Variants in KLKB1 observed in about 807,000 individuals in gnomAD.
The protein encoded by KLKB1 is kallikrein B1.
KLKB1 carries 58 observed loss-of-function variants against 73.6 expected under a neutral mutation model. That is an observed-to-expected ratio of 0.79 (90% CI 0.64 to 0.98). The LOEUF is 0.98. Among genes scored for constraint, KLKB1 ranks in the 50% least tolerant of loss-of-function variants. The pLI is 0.00. For synonymous variants in KLKB1, 280 were observed against 258.1 expected, an observed-to-expected ratio of 1.08 and a Z score of -0.81; for missense variants, 737 against 763.8, an observed-to-expected ratio of 0.96 and a Z score of 0.41.
chr4:186,251,781 G>A lies in KLKB1; in HGVS notation c.1064G>A (p.Gly355Asp). 6.2e-7 allele frequency: 1 copy of A among 1,613,938 alleles called. No homozygotes were observed. The highest frequency in any genetic ancestry group is 1.1e-5 in the South Asian group (1 of 91,082). The change falls in exon 10 of 15, where the codon GGT becomes GAT. Residue 355 changes from glycine (G) to aspartate (D), a missense_variant. Coordinates refer to ENST00000264690, the MANE Select transcript of KLKB1 (RefSeq NM_000892.5). ...TGTTTCTTAAGATTATCTATGGATG[G>A]TTCTCCAACTAGGATTGCGTATGGG... ...CKCFLRLSMD[G>D]SPTRIAYGTQ... is the part of the protein sequence containing the mutation.
At chr4:186,219,800 T>C (rs1736994302) in intron 2 of KLKB1, among the ~76,000 whole-genome samples, 1 of 152,170 alleles carries the variant, frequency 6.6e-6, no homozygotes. Flanking sequence ...TGGATTGGGC[T>C]GTTGTAGTTT....
In KLKB1 at chr4:186,258,384, C is replaced by T; in HGVS notation, c.*172C>T. ...ACAATGTCTGGCTGAAGCCCGCTTT[C>T]AGCACGCCGTAACCAGGGGCTGACA... On this transcript the variant is annotated 3_prime_UTR_variant, in exon 15 of 15. Transcript: ENST00000264690. The T allele has an allele frequency of 1.5e-6, 1 of 687,158 alleles. No individual in the cohort carries two copies. The highest frequency in any genetic ancestry group is 2.6e-6 in the Non-Finnish European group (1 of 381,060). The allele number at this position is 687,158 out of a possible 1,614,324, so 42.6% of individuals were successfully genotyped here.
intron 6 of KLKB1, among the ~76,000 whole-genome samples, chr4:186,245,308 A>G (rs1393767439): frequency 6.6e-6 from 1 of 152,178 alleles, no homozygotes; most frequent in African/African-American, 2.4e-5. Context: ...CTCCACTGTA[A>G]GAGTTACCTA....
intron 4 of KLKB1, 90 bp downstream of exon 4, chr4:186,234,148 T>C: frequency 2.1e-6 from 2 of 935,382 alleles, no homozygotes; most frequent in South Asian, 2.7e-5. Flanking sequence ...CTACAGCTTT[T>C]TGGAAGGCAT....
chr4:186,216,146 A>G (rs981798002), intron 2 of KLKB1, among the ~76,000 whole-genome samples: 1 of 152,214 alleles, frequency 6.6e-6, no homozygotes, highest in Non-Finnish European at 1.5e-5. Context: ...TGTGACTTTC[A>G]TGTGAGGATG....
rs1739121452 is a variant in KLKB1 at position 186,258,167 on chromosome 4, AAC to A, written c.1876_1877del (p.Gln626GlufsTer3). Reference protein sequence around the residue: ...AEYMDWILEKTQSSDGKAQMQ... With the variant: ...AEYMDWILEKXQSSDGKAQMQ... ...AGTACATGGACTGGATTTTAGAGAA[AAC>A]ACAGAGCAGTGATGGAAAAGCTCAG... On this transcript the variant is annotated frameshift_variant, in exon 15 of 15. Transcript: ENST00000264690. LOFTEE classifies it low-confidence loss of function (END_TRUNC). The A allele has an allele frequency of 1.2e-6, 2 of 1,614,036 alleles. No individual in the cohort carries two copies. The highest frequency in any genetic ancestry group is 2.7e-5 in the African/African-American group (2 of 74,898).
rs1261282180 is a variant in KLKB1 at position 186,238,236 on chromosome 4, C to T, written c.489-20C>T. ...CCTCAAAGTGCAGAAAGCAAAGTAA[C>T]CTCTTTTCTTCCCATTCAGGAACAA... On this transcript the variant is annotated intron_variant, in intron 5 of 14. Coordinates refer to ENST00000264690, the MANE Select transcript of KLKB1 (RefSeq NM_000892.5). The T allele has an allele frequency of 3.3e-6, 5 of 1,523,526 alleles. No homozygotes were observed. In the East Asian group the frequency reaches 9.0e-5, roughly 27 times the overall value. The allele number at this position is 1,523,526 out of a possible 1,614,324, so 94.4% of individuals were successfully genotyped here.
intron 11 of KLKB1, among the ~76,000 whole-genome samples, chr4:186,253,722 G>A (rs1305543226): frequency 6.6e-6 from 1 of 151,882 alleles, no homozygotes; most frequent in Non-Finnish European, 1.5e-5. Flanking sequence ...ACAGAATAAG[G>A]CTTTGCTTTA....
In KLKB1 at chr4:186,258,284, T is replaced by C; in HGVS notation, c.*72T>C. On this transcript the variant is annotated 3_prime_UTR_variant, in exon 15 of 15. Coordinates refer to ENST00000264690, the MANE Select transcript of KLKB1 (RefSeq NM_000892.5). ...AAATTCTGAGCCTGGGGGGTCCTCATCTGCAAAGCATGGAGAGTGGCATCT... is the reference window on the plus strand; with the variant it reads ...AAATTCTGAGCCTGGGGGGTCCTCACCTGCAAAGCATGGAGAGTGGCATCT... 1 of 1,272,816 alleles carries C rather than the reference T, an allele frequency of 7.9e-7. No individual in the cohort carries two copies. Among genetic ancestry groups the C allele is most frequent in the South Asian group, 1.3e-5 (1 of 79,426 alleles). 78.8% of individuals were successfully genotyped at this position (1,272,816 alleles called of 1,614,324 possible).
chr4:186,241,760 A>G lies in KLKB1; in HGVS notation c.598+3395A>G, dbSNP rs965440276. On this transcript the variant is annotated intron_variant, in intron 6 of 14. Coordinates refer to ENST00000264690, the MANE Select transcript of KLKB1 (RefSeq NM_000892.5). The stretch of plus-strand genomic sequence containing the variant: ...AACGAAGCTGGTTGATAAAATTGCA[A>G]TTAGGGGAAGCAACATCATGGTTTC... Among the ~76,000 whole-genome samples, 4 of 152,214 alleles carry G rather than the reference A, an allele frequency of 2.6e-5. No homozygotes were observed. In the East Asian group the frequency reaches 5.8e-4, roughly 22 times the overall value.
At chr4:186,236,314 A>G (rs1737690697) in intron 4 of KLKB1, among the ~76,000 whole-genome samples, 1 of 152,174 alleles carries the variant, frequency 6.6e-6, no homozygotes, top group Admixed American at 6.5e-5. Context: ...TCTGGATGCA[A>G]TTTGTCATCA....
In KLKB1 at chr4:186,254,671, T is replaced by A; in HGVS notation, c.1397T>A (p.Ile466Lys). ...DITKDTPFSQ[I>K]KEIIIHQNYK... The stretch of plus-strand genomic sequence containing the variant: ...ACAAAAGATACACCTTTCTCACAAA[T>A]AAAAGAGATTATTATTCACCAAAAC... The change falls in exon 12 of 15, where the codon ATA becomes AAA. Residue 466 changes from isoleucine (I) to lysine (K), a missense_variant. Ile to Lys is a moderately radical substitution (Grantham distance 102). Transcript: ENST00000264690. The A allele has an allele frequency of 6.2e-7, 1 of 1,613,452 alleles. No homozygotes were observed. The highest frequency in any genetic ancestry group is 8.5e-7 in the Non-Finnish European group (1 of 1,179,426).
chr4:186,256,245 A>G (rs1738987827), intron 13 of KLKB1, among the ~76,000 whole-genome samples, 158 bp downstream of exon 13: 1 of 152,008 alleles, frequency 6.6e-6, no homozygotes, highest in Non-Finnish European at 1.5e-5. Context: ...ATTCTTAAAA[A>G]ATGTATTTTT....
chr4:186,237,584 G>T (rs1737763553), intron 5 of KLKB1, among the ~76,000 whole-genome samples: 1 of 152,188 alleles, frequency 6.6e-6, no homozygotes, highest in South Asian at 2.1e-4. Context: ...TCTCTTTTAA[G>T]TCACACTCAG....
At chr4:186,233,778 A>G (rs562550658) in intron 3 of KLKB1, among the ~76,000 whole-genome samples, 174 bp from the exon 4 acceptor site, 8 of 152,198 alleles carry the variant, frequency 5.3e-5, no homozygotes, top group Non-Finnish European at 4.4e-5. Context: ...ATGGAGTTAG[A>G]TATTATGGGG....
Position 186,254,654 on chromosome 4 carries a change from T to TA in KLKB1, c.1381dup (p.Thr461AsnfsTer16). 1 of 1,613,680 alleles carries TA rather than the reference T, an allele frequency of 6.2e-7. No individual in the cohort carries two copies. Among genetic ancestry groups the TA allele is most frequent in the South Asian group, 1.1e-5 (1 of 91,072 alleles). ...TAAATCTGTCAGACATTACAAAAGA[T>TA]ACACCTTTCTCACAAATAAAAGAGA... On this transcript the variant is annotated frameshift_variant, in exon 12 of 15. Transcript: ENST00000264690. LOFTEE classifies it high-confidence loss of function.
At chr4:186,235,328 A>T (rs1218816591) in intron 4 of KLKB1, among the ~76,000 whole-genome samples, 1 of 110,362 alleles carries the variant, frequency 9.1e-6, no homozygotes, top group Admixed American at 9.0e-5. Flanking sequence ...ACTGTTACTC[A>T]CTTAGCTTGC....
At chr4:186,249,684 C>A (rs750332391) in intron 6 of KLKB1, among the ~76,000 whole-genome samples, 10 of 152,156 alleles carry the variant, frequency 6.6e-5, no homozygotes, top group Non-Finnish European at 1.2e-4. Context: ...TGCATTGAAT[C>A]TGTAGACCAA....
intron 3 of KLKB1, among the ~76,000 whole-genome samples, chr4:186,233,168 C>T (rs1426032518): frequency 6.6e-6 from 1 of 152,188 alleles, no homozygotes; most frequent in African/African-American, 2.4e-5. Flanking sequence ...CTGCCTCTAC[C>T]TCCTAATGTG....
Sources: gnomAD v4.1 joint callset for allele counts (sites outside exome capture counted in the v4.1 genomes callset) on GRCh38, gnomAD v4.1.1 for gene constraint, MANE v1.5 for transcripts, NCBI Gene and HGNC (gene_info 2026-07-23, HGNC 2026-07-21) for gene names.